Variants in SNX27 observed in about 807,000 individuals in gnomAD.
SNX27 encodes sorting nexin-27.
SNX27 carries 22 observed loss-of-function variants against 71.6 expected under a neutral mutation model. That is an observed-to-expected ratio of 0.31 (90% CI 0.22 to 0.44). The LOEUF (loss-of-function observed/expected upper bound fraction) is 0.44, where lower values mean the gene tolerates loss of function less well. SNX27 is among the 20% of genes least tolerant of loss of function. The pLI, the probability that SNX27 is intolerant of heterozygous loss-of-function variation, is 1.00. For missense variants in SNX27, 531 were observed against 698.6 expected, an observed-to-expected ratio of 0.76 and a Z score of 2.70; for synonymous variants, 269 against 277.2, an observed-to-expected ratio of 0.97 and a Z score of 0.29.
intron 1 of SNX27, among the ~76,000 whole-genome samples, chr1:151,618,169 T>C (rs1420534135): frequency 6.6e-6 from 1 of 152,086 alleles, no homozygotes; most frequent in African/African-American, 2.4e-5. Context: ...TGCTTAAAAT[T>C]CAGTTACATT....
chr1:151,656,968 T>TA (rs1377128548), intron 2 of SNX27, among the ~76,000 whole-genome samples: 2 of 152,048 alleles, frequency 1.3e-5, no homozygotes, highest in Admixed American at 1.3e-4. Context: ...ATGCAAAAAA[T>TA]ATATAAAAAG....
chr1:151,613,863 C>G (rs1373527124), intron 1 of SNX27: 1 of 152,190 alleles, frequency 6.6e-6, no homozygotes, highest in African/African-American at 2.4e-5. Flanking sequence ...CTTACTGAAT[C>G]TATGTTGTGC....
intron 6 of SNX27, chr1:151,666,231 C>T (rs369233239): frequency 6.2e-5 from 22 of 357,446 alleles, no homozygotes; most frequent in African/African-American, 3.3e-4. Context: ...AGCAATGAAT[C>T]GGAAGATGCT....
chr1:151,692,153 G>A (rs1356802349), intron 8 of SNX27, among the ~76,000 whole-genome samples: 1 of 152,050 alleles, frequency 6.6e-6, no homozygotes, highest in African/African-American at 2.4e-5. Context: ...GAGCCCTGGA[G>A]GTTGAGGTTT....
intron 8 of SNX27, among the ~76,000 whole-genome samples, chr1:151,686,018 C>T (rs1671180112): frequency 6.6e-6 from 1 of 152,200 alleles, no homozygotes; most frequent in African/African-American, 2.4e-5. Context: ...ATGCATGATT[C>T]TGACCAATAC....
intron 1 of SNX27, among the ~76,000 whole-genome samples, chr1:151,631,139 T>C (rs1313248958): frequency 6.6e-6 from 1 of 152,194 alleles, no homozygotes; most frequent in African/African-American, 2.4e-5. Context: ...ACTGCAAAAA[T>C]TAGAAAGGAC....
chr1:151,643,264 T>TTTA (rs1668864642), intron 2 of SNX27, among the ~76,000 whole-genome samples: 3 of 139,110 alleles, frequency 2.2e-5, no homozygotes, highest in Admixed American at 7.4e-5. Flanking sequence ...ACGCCTGGCC[T>TTTA]TTTATTTATT....
intron 2 of SNX27, among the ~76,000 whole-genome samples, chr1:151,647,008 T>C (rs1039226754): frequency 6.6e-6 from 1 of 152,154 alleles, no homozygotes; most frequent in Non-Finnish European, 1.5e-5. Context: ...ATATGTGTTA[T>C]AAACTTAATG....
intron 1 of SNX27, among the ~76,000 whole-genome samples, chr1:151,624,723 C>T (rs756745177): frequency 3.9e-4 from 59 of 152,042 alleles, no homozygotes; most frequent in Admixed American, 1.3e-4. Flanking sequence ...TGAGCCACCA[C>T]GCCCGGCCAG....
intron 1 of SNX27, among the ~76,000 whole-genome samples, chr1:151,627,708 G>A (rs1668010668): frequency 6.6e-6 from 1 of 151,828 alleles, no homozygotes; most frequent in African/African-American, 2.4e-5. Flanking sequence ...GATTACAGGT[G>A]TAAGCCACTG....
intron 2 of SNX27, among the ~76,000 whole-genome samples, chr1:151,645,815 C>T (rs1479896878): frequency 6.6e-6 from 1 of 152,226 alleles, no homozygotes; most frequent in Non-Finnish European, 1.5e-5. Context: ...GAGTGTACCC[C>T]ACCCTGTGCA....
intron 7 of SNX27, 39 bp downstream of exon 7, chr1:151,668,674 T>C (rs1306927657): frequency 6.3e-7 from 1 of 1,590,864 alleles, no homozygotes; most frequent in South Asian, 1.1e-5. Context: ...CAATTTCTTT[T>C]TATGTTTGAA....
In SNX27 at chr1:151,696,554, TC is replaced by T; in HGVS notation, c.*2138del. On this transcript the variant is annotated 3_prime_UTR_variant, in exon 12 of 12. Transcript: ENST00000458013. ...CTTTCTTTCTTTCTTTCTCTTTCTT[TC>T]TTTTGCTTTCCTTCTTTCATCTCTT... 1 of 151,622 alleles carries T rather than the reference TC, an allele frequency of 6.6e-6. No individual in the cohort carries two copies. Among genetic ancestry groups the T allele is most frequent in the East Asian group, 1.9e-4 (1 of 5,164 alleles). 9.4% of individuals were successfully genotyped at this position (151,622 alleles called of 1,614,324 possible).
Position 151,658,406 on chromosome 1 carries a change from T to C in SNX27, c.715T>C (p.Leu239=). ...EQQLDARRRG[L]EEYLEKVCSI... is the part of the protein sequence containing the mutation. ...ACAATTAGATGCCCGACGTCGGGGATTGGAAGAATATCTAGAAAAAGGTAA... is the reference window on the plus strand; with the variant it reads ...ACAATTAGATGCCCGACGTCGGGGACTGGAAGAATATCTAGAAAAAGGTAA... The change falls in exon 3 of 12, where the codon TTG becomes CTG. Residue 239 remains leucine, a synonymous_variant. Transcript: ENST00000458013. 1.2e-6 allele frequency: 2 copies of C among 1,614,032 alleles called. No homozygotes were observed. Among genetic ancestry groups the C allele is most frequent in the Non-Finnish European group, 8.5e-7 (1 of 1,180,000 alleles).
intron 8 of SNX27, chr1:151,685,565 C>T (rs1671160997): frequency 6.6e-6 from 1 of 152,116 alleles, no homozygotes. Flanking sequence ...GCCTGTAATC[C>T]CTGCTACTCA....
rs1671919379 is a variant in SNX27, at chr1:151,699,029, T to G, written c.*4612T>G. 6.5e-6 allele frequency: 1 copy of G among 152,692 alleles called. No homozygotes were observed. Among genetic ancestry groups the G allele is most frequent in the African/African-American group, 2.4e-5 (1 of 41,474 alleles). 9.5% of individuals were successfully genotyped at this position (152,692 alleles called of 1,614,324 possible). A position where few individuals can be genotyped will look rare whatever the true frequency, so the allele number is the denominator to read the frequency against. ...AAAATTGTTTGGTAATGTCACTTAG[T>G]GTAATTAATTGTAACATATTCTTTT... is the stretch of plus-strand genomic sequence containing the variant. On this transcript the variant is annotated 3_prime_UTR_variant, in exon 12 of 12. Coordinates refer to ENST00000458013, the MANE Select transcript of SNX27 (RefSeq NM_001330723.2).
In SNX27 at chr1:151,689,670, A is replaced by C. The variant is rs148095786; in HGVS notation, c.1240-2765A>C. The stretch of plus-strand genomic sequence containing the variant: ...AAAGGACATGAGTAGTACTAGTTTC[A>C]AGGGTCAACGACACCCACTGGCATT... On this transcript the variant is annotated intron_variant, in intron 8 of 11. Transcript: ENST00000458013. 3.2e-3 allele frequency among the ~76,000 whole-genome samples: 490 copies of C among 152,288 alleles called. 1 individual carries two copies. Among genetic ancestry groups the C allele is most frequent in the African/African-American group, 0.011 (467 of 41,548 alleles).
At chr1:151,627,545 T>C (rs566874569) in intron 1 of SNX27, among the ~76,000 whole-genome samples, 1 of 152,362 alleles carries the variant, frequency 6.6e-6, no homozygotes, top group Admixed American at 6.5e-5. Flanking sequence ...TAACTGATTT[T>C]TAAAATATTT....
Position 151,697,995 on chromosome 1 carries a change from C to T in SNX27, c.*3578C>T, listed in dbSNP as rs2102756849. ...GTTCCCTTGGGCCATGCTTTGGGCC[C>T]TCTGCTCTTTATATGTTTATTCTAT... On this transcript the variant is annotated 3_prime_UTR_variant, in exon 12 of 12. Coordinates refer to ENST00000458013, the MANE Select transcript of SNX27 (RefSeq NM_001330723.2). 1 of 152,306 alleles carries T rather than the reference C, an allele frequency of 6.6e-6. No individual in the cohort carries two copies. The highest frequency in any genetic ancestry group is 1.9e-4 in the East Asian group (1 of 5,178). The allele number at this position is 152,306 out of a possible 1,614,324, so 9.4% of individuals were successfully genotyped here.
Sources: gnomAD v4.1 joint callset for allele counts (sites outside exome capture counted in the v4.1 genomes callset) on GRCh38, gnomAD v4.1.1 for gene constraint, MANE v1.5 for transcripts, NCBI Gene and HGNC (gene_info 2026-07-23, HGNC 2026-07-21) for gene names.